PPP3CB: variants seen among roughly 807,000 people sequenced by gnomAD.
PPP3CB encodes the protein serine/threonine-protein phosphatase 2B catalytic subunit beta isoform.
Under a neutral mutation model 66.4 loss-of-function variants are expected in PPP3CB, and 8 were observed. That is an observed-to-expected ratio of 0.12 (90% CI 0.07 to 0.22). PPP3CB has a LOEUF of 0.22. Among genes scored for constraint, PPP3CB ranks in the 10% least tolerant of loss-of-function variants. PPP3CB has a pLI of 1.00. For missense variants in PPP3CB, 319 were observed against 642.5 expected, an observed-to-expected ratio of 0.50 and a Z score of 5.44; for synonymous variants, 208 against 221.2, an observed-to-expected ratio of 0.94 and a Z score of 0.53.
intron 1 of PPP3CB, 25 bp from the exon 2 acceptor site, chr10:73,479,542 A>G: frequency 6.3e-7 from 1 of 1,598,286 alleles, no homozygotes; most frequent in East Asian, 2.2e-5. Flanking sequence ...AATTAATAAA[A>G]GATAAGTCAC....
chr10:73,480,722 C>A (rs541794438), intron 1 of PPP3CB, among the ~76,000 whole-genome samples: 2 of 152,094 alleles, frequency 1.3e-5, no homozygotes, highest in Non-Finnish European at 2.9e-5. Flanking sequence ...TGGGATTACA[C>A]GCATGAGCCA....
At chr10:73,447,476 T>C (rs570440032) in intron 10 of PPP3CB, among the ~76,000 whole-genome samples, 1 of 152,266 alleles carries the variant, frequency 6.6e-6, no homozygotes, top group Non-Finnish European at 1.5e-5. Flanking sequence ...AAAAGTGTGG[T>C]TCCTTAGAGC....
intron 1 of PPP3CB, among the ~76,000 whole-genome samples, chr10:73,487,547 C>CA (rs1194044416): frequency 0.011 from 239 of 21,828 alleles, 3 homozygotes; most frequent in South Asian, 0.04. Context: ...GACTCCATCT[C>CA]AAAAAAAAAC....
chr10:73,448,802 AAG>A (rs1003797277), intron 10 of PPP3CB: 12 of 507,128 alleles, frequency 2.4e-5, no homozygotes, highest in East Asian at 1.1e-4. Flanking sequence ...TGAATGTAGA[AAG>A]AGAGAAAAAT....
At chr10:73,481,803 C>CTT (rs144330340) in intron 1 of PPP3CB, among the ~76,000 whole-genome samples, 1 of 145,006 alleles carries the variant, frequency 6.9e-6, no homozygotes, top group Non-Finnish European at 1.5e-5. Flanking sequence ...ACTAATCCCT[C>CTT]TTTTTTTTTT....
chr10:73,466,767 A>C (rs907478636), intron 9 of PPP3CB, among the ~76,000 whole-genome samples: 1 of 152,206 alleles, frequency 6.6e-6, no homozygotes, highest in African/African-American at 2.4e-5. Flanking sequence ...AATATGGAAG[A>C]GGTGAGAAAA....
At chr10:73,479,189 T>A (rs1387800811) in intron 2 of PPP3CB, 128 bp downstream of exon 2, 3 of 889,848 alleles carry the variant, frequency 3.4e-6, no homozygotes, top group Non-Finnish European at 5.2e-6. Context: ...GAAAATAATT[T>A]GAAATTCAAG....
rs143670494 is a variant in PPP3CB at position 73,444,596 on chromosome 10, T to A, written c.1366+129A>T. Reference sequence around the variant, plus strand: ...ACACTAGCTAATACAGTACCCTGTCTAGGTCAGCTGCTGAGACAGGAACTA... The same window carrying A: ...ACACTAGCTAATACAGTACCCTGTCAAGGTCAGCTGCTGAGACAGGAACTA... On this transcript the variant is annotated intron_variant, in intron 12 of 13. Transcript: ENST00000360663. The A allele has an allele frequency of 2.5e-4, 391 of 1,553,222 alleles. 3 individuals are homozygous for A. The African/African-American group carries it at 3.6e-3, about 14-fold the overall frequency.
intron 9 of PPP3CB, among the ~76,000 whole-genome samples, chr10:73,464,799 C>T (rs1190211269): frequency 6.6e-6 from 1 of 151,888 alleles, no homozygotes; most frequent in Non-Finnish European, 1.5e-5. Flanking sequence ...AGGTGTGGTA[C>T]AGCATGCCTG....
At chr10:73,486,899 C>T (rs184271999) in intron 1 of PPP3CB, among the ~76,000 whole-genome samples, 145 of 152,200 alleles carry the variant, frequency 9.5e-4, no homozygotes, top group African/African-American at 3.3e-3. Context: ...GGCTGGGTGC[C>T]GTGGCTTAAA....
At chr10:73,486,580 C>G (rs1196577290) in intron 1 of PPP3CB, among the ~76,000 whole-genome samples, 2 of 152,204 alleles carry the variant, frequency 1.3e-5, no homozygotes, top group South Asian at 2.1e-4. Context: ...GCTGGGATTA[C>G]AGGCGTGAGC....
intron 1 of PPP3CB, among the ~76,000 whole-genome samples, chr10:73,495,231 C>T (rs2057169334): frequency 6.6e-6 from 1 of 152,206 alleles, no homozygotes; most frequent in South Asian, 2.1e-4. Context: ...CTGCCCCGAC[C>T]CTTCACCGTG....
rs555237626 is a variant in PPP3CB at position 73,473,733 on chromosome 10, T to C, written c.523+1186A>G. Among the ~76,000 whole-genome samples the C allele has an allele frequency of 3.9e-5, 6 of 152,052 alleles. No individual in the cohort carries two copies. In the South Asian group the frequency reaches 6.2e-4, roughly 16 times the overall value. ...AGGCCTAATCTTGTTCTGTAACATA[T>C]GGTTACTTACAGGTATTAGATTACC... On this transcript the variant is annotated intron_variant, in intron 4 of 13. Coordinates refer to ENST00000360663, the MANE Select transcript of PPP3CB (RefSeq NM_021132.4).
intron 4 of PPP3CB, among the ~76,000 whole-genome samples, chr10:73,474,478 T>C (rs748216384): frequency 5.9e-5 from 9 of 152,010 alleles, no homozygotes; most frequent in African/African-American, 1.7e-4. Flanking sequence ...GCCCAGGCAA[T>C]TGTCCGTGCA....
chr10:73,475,897 C>T (rs1353081599), intron 3 of PPP3CB, among the ~76,000 whole-genome samples: 16 of 152,208 alleles, frequency 1.1e-4, no homozygotes, highest in Admixed American at 9.8e-4. Context: ...CTCACTGTCA[C>T]CCAGGTTGGA....
At chr10:73,477,237 C>G (rs1337171960) in intron 3 of PPP3CB, 1 of 516,342 alleles carries the variant, frequency 1.9e-6, no homozygotes, top group East Asian at 5.5e-5. Flanking sequence ...ATGTGCAACA[C>G]AGGTATCTAT....
intron 8 of PPP3CB, among the ~76,000 whole-genome samples, chr10:73,468,778 T>G (rs1412503666): frequency 6.6e-6 from 1 of 152,200 alleles, no homozygotes; most frequent in Non-Finnish European, 1.5e-5. Flanking sequence ...AATTCCCATC[T>G]GAAATAAAAG....
At chr10:73,486,138 G>A (rs2056972414) in intron 1 of PPP3CB, among the ~76,000 whole-genome samples, 1 of 151,150 alleles carries the variant, frequency 6.6e-6, no homozygotes, top group African/African-American at 2.4e-5. Context: ...TAGAGACGGG[G>A]TTTCACCATG....
At chr10:73,477,821 A>G (rs2056815889) in intron 3 of PPP3CB, among the ~76,000 whole-genome samples, 1 of 152,018 alleles carries the variant, frequency 6.6e-6, no homozygotes, top group South Asian at 2.1e-4. Flanking sequence ...AGAGACTGGG[A>G]CAGAAGGATC....
Sources: gnomAD v4.1 joint callset for allele counts (sites outside exome capture counted in the v4.1 genomes callset) on GRCh38, gnomAD v4.1.1 for gene constraint, MANE v1.5 for transcripts, NCBI Gene and HGNC (gene_info 2026-07-23, HGNC 2026-07-21) for gene names.